WSCD2: variants seen among roughly 807,000 people sequenced by gnomAD.
WSCD2 encodes WSC domain sialate O sulfotransferase 2.
WSCD2 carries 28 observed loss-of-function variants against 55.7 expected under a neutral mutation model. The observed-to-expected ratio is 0.50, with a 90% CI of 0.37 to 0.69. The LOEUF (loss-of-function observed/expected upper bound fraction) is 0.69, where lower values mean the gene tolerates loss of function less well. Among genes scored for constraint, WSCD2 ranks in the 30% least tolerant of loss-of-function variants. WSCD2 has a pLI of 0.00. For missense variants in WSCD2, 616 were observed against 762.1 expected, an observed-to-expected ratio of 0.81 and a Z score of 2.26; for synonymous variants, 301 against 301.9, an observed-to-expected ratio of 1.00 and a Z score of 0.03.
chr12:108,235,367 T>C (rs1279186271), intron 7 of WSCD2, among the ~76,000 whole-genome samples: 3 of 152,182 alleles, frequency 2.0e-5, no homozygotes, highest in African/African-American at 2.4e-5. Flanking sequence ...AGGGAGCTTT[T>C]AAAGTCTTGA....
chr12:108,227,727 G>GTGATAATGA (rs1555241208), intron 6 of WSCD2, among the ~76,000 whole-genome samples: 3 of 150,360 alleles, frequency 2.0e-5, no homozygotes, highest in African/African-American at 4.9e-5. Flanking sequence ...GATAATGATG[G>GTGATAATGA]TGATGATGAT....
At chr12:108,139,232 A>G (rs774611386) in intron 1 of WSCD2, among the ~76,000 whole-genome samples, 1 of 152,188 alleles carries the variant, frequency 6.6e-6, no homozygotes, top group Non-Finnish European at 1.5e-5. Flanking sequence ...TCCAAATAAA[A>G]TTTGATAGTT....
intron 1 of WSCD2, among the ~76,000 whole-genome samples, chr12:108,158,024 A>G (rs1592903214): frequency 6.6e-6 from 1 of 152,080 alleles, no homozygotes; most frequent in Non-Finnish European, 1.5e-5. Flanking sequence ...GGCTGGTACC[A>G]TGTCAGCCAA....
intron 8 of WSCD2, among the ~76,000 whole-genome samples, chr12:108,245,421 C>G (rs971023921): frequency 2.0e-5 from 3 of 152,204 alleles, no homozygotes; most frequent in Non-Finnish European, 4.4e-5. Context: ...GACAGAGGCA[C>G]CTGGTGTCCC....
intron 1 of WSCD2, among the ~76,000 whole-genome samples, chr12:108,165,434 G>A (rs909408813): frequency 3.3e-5 from 5 of 152,146 alleles, no homozygotes; most frequent in Non-Finnish European, 7.3e-5. Flanking sequence ...GTCTTGCTAT[G>A]TTTCCCAGGC....
chr12:108,187,877 T>C (rs1280495304), intron 1 of WSCD2, among the ~76,000 whole-genome samples: 5 of 152,116 alleles, frequency 3.3e-5, no homozygotes, highest in African/African-American at 1.2e-4. Flanking sequence ...CCCTGACCCC[T>C]TTCCACGTTT....
At chr12:108,132,281 C>A (rs1875638826) in intron 1 of WSCD2, among the ~76,000 whole-genome samples, 1 of 152,144 alleles carries the variant, frequency 6.6e-6, no homozygotes, top group South Asian at 2.1e-4. Flanking sequence ...TTGGACTTGA[C>A]TTTTAAGACT....
At chr12:108,241,055 C>T (rs900876925) in intron 8 of WSCD2, among the ~76,000 whole-genome samples, 9 of 152,156 alleles carry the variant, frequency 5.9e-5, no homozygotes, top group African/African-American at 2.2e-4. Flanking sequence ...CTGAATCCAG[C>T]CCCAGGTCAG....
chr12:108,166,761 T>TCTTTCTTTC (rs1555225182), intron 1 of WSCD2, among the ~76,000 whole-genome samples: 1 of 124,820 alleles, frequency 8.0e-6, no homozygotes, highest in East Asian at 2.3e-4. Context: ...TCTTTCTTTC[T>TCTTTCTTTC]TTTCTTTCTT....
rs1490424626 is a variant in WSCD2, at chr12:108,157,183, T to C, written c.-552+27257T>C. Among the ~76,000 whole-genome samples, 3 of 152,370 alleles carry C rather than the reference T, an allele frequency of 2.0e-5. No homozygotes were observed. The East Asian group carries it at 5.8e-4, about 29-fold the overall frequency. On this transcript the variant is annotated intron_variant, in intron 1 of 8. Transcript: ENST00000547525. ...TAATAGACTTTATTTTGGAGGGCAGTGTTCAGTTTACAGAAAAATTGAGTA... is the reference window on the plus strand; with the variant it reads ...TAATAGACTTTATTTTGGAGGGCAGCGTTCAGTTTACAGAAAAATTGAGTA...
chr12:108,242,975 C>A (rs1408695885), intron 8 of WSCD2, among the ~76,000 whole-genome samples: 2 of 152,216 alleles, frequency 1.3e-5, no homozygotes, highest in East Asian at 3.9e-4. Context: ...CCAAGTGCCC[C>A]CTCCAAGGCC....
intron 4 of WSCD2, among the ~76,000 whole-genome samples, chr12:108,222,094 T>A (rs1189624288): frequency 6.6e-6 from 1 of 152,172 alleles, no homozygotes; most frequent in Non-Finnish European, 1.5e-5. Flanking sequence ...AATATAAAAT[T>A]ATCATTCATA....
chr12:108,195,518 C>G lies in WSCD2; in HGVS notation c.-315C>G, dbSNP rs1033666294. On this transcript the variant is annotated 5_prime_UTR_variant, in exon 2 of 9. Transcript: ENST00000547525. ...CTATTCTCACAGTTCTTTAGGAACA[C>G]TCTGAAGTGAAGAACAATATGTAGG... 1.8e-5 allele frequency: 6 copies of G among 335,894 alleles called. No homozygotes were observed. Among genetic ancestry groups the G allele is most frequent in the Non-Finnish European group, 2.2e-5 (4 of 185,142 alleles). The allele number at this position is 335,894 out of a possible 1,614,324, so 20.8% of individuals were successfully genotyped here.
chr12:108,183,533 G>C (rs1363464001), intron 1 of WSCD2, among the ~76,000 whole-genome samples: 2 of 152,184 alleles, frequency 1.3e-5, no homozygotes, highest in African/African-American at 4.8e-5. Context: ...AGAATGGTCA[G>C]TCAGTTTCTG....
At position 108,132,390 on chromosome 12, in the gene WSCD2, G is replaced by A. The variant is rs544907198; in HGVS notation, c.-552+2464G>A. Among the ~76,000 whole-genome samples the A allele has an allele frequency of 3.3e-5, 5 of 152,302 alleles. No homozygotes were observed. The South Asian group carries it at 1.0e-3, about 32-fold the overall frequency. On this transcript the variant is annotated intron_variant, in intron 1 of 8. Transcript: ENST00000547525. ...TGTGTGCATTCTCATGCAGGTGTGG[G>A]CTCATGTGCTTGTGTGAGCATAACT... is the stretch of plus-strand genomic sequence containing the variant.
intron 1 of WSCD2, among the ~76,000 whole-genome samples, chr12:108,130,425 C>CA (rs1875367433): frequency 6.6e-6 from 1 of 151,716 alleles, no homozygotes; most frequent in African/African-American, 2.4e-5. Flanking sequence ...GCTGCCCAGG[C>CA]AATGGGCTTT....
chr12:108,144,654 GGA>G (rs1877204362), intron 1 of WSCD2, among the ~76,000 whole-genome samples: 1 of 152,150 alleles, frequency 6.6e-6, no homozygotes, highest in Non-Finnish European at 1.5e-5. Context: ...CTAGGTGTCA[GGA>G]GCATGATAGG....
intron 1 of WSCD2, among the ~76,000 whole-genome samples, chr12:108,135,134 G>A (rs906333277): frequency 1.3e-5 from 2 of 151,228 alleles, no homozygotes; most frequent in Non-Finnish European, 2.9e-5. Flanking sequence ...CCTTCCATCC[G>A]TCCGTCCATC....
chr12:108,206,819 T>C (rs1352123915), intron 3 of WSCD2, among the ~76,000 whole-genome samples: 2 of 152,170 alleles, frequency 1.3e-5, no homozygotes, highest in Non-Finnish European at 1.5e-5. Context: ...ATTGCATTTG[T>C]TGAATGTTCA....
Sources: gnomAD v4.1 joint callset for allele counts (sites outside exome capture counted in the v4.1 genomes callset) on GRCh38, gnomAD v4.1.1 for gene constraint, MANE v1.5 for transcripts, NCBI Gene and HGNC (gene_info 2026-07-23, HGNC 2026-07-21) for gene names.